Variants in CUX2 observed in about 807,000 individuals in gnomAD.
The protein encoded by CUX2 is homeobox protein cut-like 2.
Under a neutral mutation model 144.8 loss-of-function variants are expected in CUX2, and 40 were observed. That is an observed-to-expected ratio of 0.28 (90% confidence interval 0.21 to 0.36). The LOEUF (loss-of-function observed/expected upper bound fraction) is 0.36, where lower values mean the gene tolerates loss of function less well. Among genes scored for constraint, CUX2 ranks in the 10% least tolerant of loss-of-function variants. The pLI is 1.00. For synonymous variants in CUX2, 827 were observed against 875.6 expected (o/e 0.94, Z 0.98); for missense variants, 1,615 against 1,994.0 (o/e 0.81, Z 3.62).
intron 1 of CUX2, among the ~76,000 whole-genome samples, chr12:111,109,995 C>T (rs1206091069): frequency 6.6e-6 from 1 of 152,096 alleles, no homozygotes; most frequent in Non-Finnish European, 1.5e-5. Flanking sequence ...CCTGCCTCAG[C>T]CTCCAGAGTG....
chr12:111,315,008 G>A (rs1430357637), intron 16 of CUX2, among the ~76,000 whole-genome samples: 4 of 152,256 alleles, frequency 2.6e-5, no homozygotes, highest in Middle Eastern at 3.4e-3. Flanking sequence ...TCGGAAGCAG[G>A]CACCAGGGCA....
At chr12:111,150,843 G>A (rs1404774628) in intron 1 of CUX2, among the ~76,000 whole-genome samples, 1 of 152,092 alleles carries the variant, frequency 6.6e-6, no homozygotes, top group Non-Finnish European at 1.5e-5. Flanking sequence ...CCACAAAGAC[G>A]AGAGGTCACG....
chr12:111,292,813 C>T (rs1326278470), intron 5 of CUX2, among the ~76,000 whole-genome samples: 1 of 151,978 alleles, frequency 6.6e-6, no homozygotes, highest in Middle Eastern at 3.2e-3. Flanking sequence ...AATGTCACTG[C>T]AAAATGGTGG....
chr12:111,318,974 G>A, intron 16 of CUX2, among the ~76,000 whole-genome samples: 1 of 152,062 alleles, frequency 6.6e-6, no homozygotes, highest in East Asian at 1.9e-4. Context: ...CCATCCCACT[G>A]TTTTTGATCC....
intron 1 of CUX2, among the ~76,000 whole-genome samples, chr12:111,089,171 G>A (rs1566211101): frequency 6.6e-6 from 1 of 152,222 alleles, no homozygotes; most frequent in Non-Finnish European, 1.5e-5. Flanking sequence ...TTTGTCCTGT[G>A]CAGTTCCTGT....
At chr12:111,119,329 A>G (rs1304002994) in intron 1 of CUX2, among the ~76,000 whole-genome samples, 1 of 152,156 alleles carries the variant, frequency 6.6e-6, no homozygotes, top group Non-Finnish European at 1.5e-5. Context: ...TTGGCTAGGC[A>G]TGGTGGCTCA....
In CUX2 at chr12:111,078,491, A is replaced by AC. The variant is rs1436808025; in HGVS notation, c.63+44256dup. ...AGACCAGCCTGTCCAACATAGTGAGACCCCCATCTCTACACAAAAATTTAA... is the reference window on the plus strand; with the variant it reads ...AGACCAGCCTGTCCAACATAGTGAGACCCCCCATCTCTACACAAAAATTTAA... On this transcript the variant is annotated intron_variant, in intron 1 of 21. Transcript: ENST00000261726. 4.7e-5 allele frequency among the ~76,000 whole-genome samples: 7 copies of AC among 148,378 alleles called. No individual in the cohort carries two copies. The South Asian group carries it at 8.8e-4, about 19-fold the overall frequency.
chr12:111,308,742 T>C (rs1453454480), intron 14 of CUX2, among the ~76,000 whole-genome samples: 2 of 152,138 alleles, frequency 1.3e-5, no homozygotes, highest in Non-Finnish European at 2.9e-5. Flanking sequence ...TTTGGGCCCT[T>C]CCAAGGCCCC....
chr12:111,109,940 A>G (rs1308223235), intron 1 of CUX2, among the ~76,000 whole-genome samples: 2 of 152,126 alleles, frequency 1.3e-5, no homozygotes, highest in African/African-American at 4.8e-5. Flanking sequence ...CAGTGGTACA[A>G]TCATAGCTCA....
At chr12:111,180,266 C>T (rs1027273406) in intron 1 of CUX2, among the ~76,000 whole-genome samples, 10 of 152,176 alleles carry the variant, frequency 6.6e-5, no homozygotes, top group Admixed American at 3.9e-4. Context: ...ACTACTTCCT[C>T]CCTCTCCTGC....
intron 21 of CUX2, among the ~76,000 whole-genome samples, chr12:111,344,592 C>T (rs994129781): frequency 6.6e-6 from 1 of 152,194 alleles, no homozygotes; most frequent in African/African-American, 2.4e-5. Flanking sequence ...CCCTCCCCAT[C>T]GAAGCTCTTC....
chr12:111,243,063 A>G (rs1883109571), intron 3 of CUX2, among the ~76,000 whole-genome samples: 1 of 152,140 alleles, frequency 6.6e-6, no homozygotes, highest in Admixed American at 6.6e-5. Flanking sequence ...ATAGTATTCC[A>G]TGGTGTATAT....
At chr12:111,063,843 G>A (rs1316604961) in intron 1 of CUX2, among the ~76,000 whole-genome samples, 1 of 152,240 alleles carries the variant, frequency 6.6e-6, no homozygotes, top group East Asian at 1.9e-4. Flanking sequence ...TTCCATATGA[G>A]CCATTCTGGG....
rs117731914 is a variant in CUX2, at chr12:111,164,641, A to G, written c.64-49559A>G. ...CAATAACAGAAAGTGAGCATGAGGG[A>G]TCCACACAAATTGGATCAGCCCCCC... On this transcript the variant is annotated intron_variant, in intron 1 of 21. Transcript: ENST00000261726. Among the ~76,000 whole-genome samples, 19 of 152,230 alleles carry G rather than the reference A, an allele frequency of 1.2e-4. No individual in the cohort carries two copies. The East Asian group carries it at 3.3e-3, about 26-fold the overall frequency.
chr12:111,122,930 G>A (rs1193195300), intron 1 of CUX2, among the ~76,000 whole-genome samples: 2 of 152,206 alleles, frequency 1.3e-5, no homozygotes, highest in African/African-American at 2.4e-5. Flanking sequence ...GGAAGGTTAT[G>A]CATCGGCTTT....
rs10525230 is a variant in CUX2 at position 111,061,178 on chromosome 12, GCA to G, written c.63+26975_63+26976del. Among the ~76,000 whole-genome samples the G allele has an allele frequency of 0.031, 4,429 of 143,634 alleles. 83 individuals are homozygous for G. The highest frequency in any genetic ancestry group is 0.048 in the East Asian group (227 of 4,750). 94.2% of individuals were successfully genotyped at this position (143,634 alleles called of 152,430 possible). A position where few individuals can be genotyped will look rare whatever the true frequency, so the allele number is the denominator to read the frequency against. The stretch of plus-strand genomic sequence containing the variant: ...TGTCCCCAGATGTGTGCATGCATAT[GCA>G]CACACACACACACACACACACACAC... On this transcript the variant is annotated intron_variant, in intron 1 of 21. Transcript: ENST00000261726. This position sits in a 1 kb window ranked among gnomAD's most constrained non-coding sequence, Gnocchi z 4.2.
chr12:111,051,635 G>A (rs79609972), intron 1 of CUX2, among the ~76,000 whole-genome samples: 7,337 of 152,016 alleles, frequency 0.048, 431 homozygotes, highest in African/African-American at 0.14. Flanking sequence ...AATCTAAAGC[G>A]TGTCTCCTAT....
intron 1 of CUX2, among the ~76,000 whole-genome samples, chr12:111,133,712 TG>T (rs1875658543): frequency 6.6e-6 from 1 of 152,024 alleles, no homozygotes; most frequent in Non-Finnish European, 1.5e-5. Context: ...AAGAGGTGGT[TG>T]GGGGCGGGGG....
intron 1 of CUX2, among the ~76,000 whole-genome samples, chr12:111,038,564 G>A (rs9669533): frequency 0.01 from 1,551 of 152,346 alleles, 27 homozygotes; most frequent in African/African-American, 0.036. Flanking sequence ...CTCCAAGTCC[G>A]TAGAACCCAC....
Sources: allele counts gnomAD v4.1 joint callset (sites outside exome capture counted in the v4.1 genomes callset), GRCh38; gene constraint gnomAD v4.1.1; non-coding constraint Gnocchi (gnomAD v3.1); transcripts MANE v1.5; gene names NCBI Gene and HGNC (gene_info 2026-07-23, HGNC 2026-07-21).